The following SSC5D variants were observed in gnomAD, a reference collection of about 807,000 sequenced individuals.
SSC5D encodes scavenger receptor cysteine rich family member with 5 domains.
A neutral mutation model predicts 104.6 loss-of-function variants in SSC5D; 106 were observed. The observed-to-expected ratio is 1.01, with a 90% CI of 0.87 to 1.19. SSC5D has a LOEUF of 1.19. Ranked by LOEUF, SSC5D falls within the 50% of genes most tolerant of loss-of-function variation. The probability of loss-of-function intolerance (pLI) is 0.00; values close to 1 mark genes in which losing one functional copy is unlikely to be tolerated. For missense variants in SSC5D, 1,993 were observed against 2,153.8 expected, an observed-to-expected ratio of 0.93 and a Z score of 1.48; for synonymous variants, 860 against 883.5, an observed-to-expected ratio of 0.97 and a Z score of 0.47.
rs1476870283 is a variant in SSC5D, at chr19:55,500,482, C to G, written c.2303-8C>G. On this transcript the variant is annotated splice_polypyrimidine_tract_variant and splice_region_variant and intron_variant, in intron 10 of 13. Coordinates refer to ENST00000389623, the MANE Select transcript of SSC5D (RefSeq NM_001144950.2). The surrounding 1 kb of genome is among the most constrained non-coding windows in gnomAD (Gnocchi z 4.6). Reference sequence around the variant, plus strand: ...CCCTCCCTCCTGACCTAAGGGCCTTCCACGCAGGCCTGTTCCGGGTTCGTC... The same window carrying G: ...CCCTCCCTCCTGACCTAAGGGCCTTGCACGCAGGCCTGTTCCGGGTTCGTC... The G allele has an allele frequency of 6.4e-7, 1 of 1,550,584 alleles. No homozygotes were observed. The highest frequency in any genetic ancestry group is 8.7e-7 in the Non-Finnish European group (1 of 1,146,216).
rs1455566893 is a variant in SSC5D, at chr19:55,494,788, G to A, written c.1387+5G>A. On this transcript the variant is annotated splice_donor_5th_base_variant and intron_variant, in intron 8 of 13. Transcript: ENST00000389623. ...GGGAGCCTGGACCGGAAGCCGGTGA[G>A]TCCCTCCATGCTCCCCAAGAAAACA... 1 of 1,537,104 alleles carries A rather than the reference G, an allele frequency of 6.5e-7. No homozygotes were observed.
intron 6 of SSC5D, chr19:55,491,915 T>G (rs1987155219): frequency 6.6e-6 from 1 of 152,322 alleles, no homozygotes; most frequent in Non-Finnish European, 1.5e-5. Context: ...GGCACCCACC[T>G]GGCATTTCAT....
intron 13 of SSC5D, 103 bp from the exon 14 acceptor site, chr19:55,517,121 C>A (rs1468569826): frequency 8.2e-6 from 9 of 1,100,316 alleles, no homozygotes; most frequent in Non-Finnish European, 1.2e-5. Flanking sequence ...TCTCGAGGCT[C>A]TGTGCCTTTC....
intron 13 of SSC5D, among the ~76,000 whole-genome samples, chr19:55,515,429 T>C (rs1211586388): frequency 7.1e-6 from 1 of 139,908 alleles, no homozygotes; most frequent in Admixed American, 7.2e-5. Flanking sequence ...TTAAATGAAT[T>C]AACACTTTGA....
chr19:55,518,782 T>G lies in SSC5D; in HGVS notation c.4506T>G (p.Gly1502=), dbSNP rs1172875427. 1.9e-6 allele frequency: 3 copies of G among 1,550,562 alleles called. No homozygotes were observed. ...ELVAAVRDVG[G]QLQRLTQVVE... ...TGGCTGCTGTGAGGGATGTGGGTGG[T>G]CAGCTGCAGAGACTGACCCAGGTCG... The change falls in exon 14 of 14, where the codon GGT becomes GGG. Residue 1502 remains glycine, a synonymous_variant. Coordinates refer to ENST00000389623, the MANE Select transcript of SSC5D (RefSeq NM_001144950.2).
At chr19:55,489,057 T>TGTGGGGGGGGG in intron 2 of SSC5D, 25 bp downstream of exon 2, 1 of 1,247,976 alleles carries the variant, frequency 8.0e-7, no homozygotes, top group Non-Finnish European at 1.0e-6. Flanking sequence ...TCCTCCCATC[T>TGTGGGGGGGGG]GCCCGCCCCC....
At chr19:55,501,764 C>T (rs1987511287) in intron 12 of SSC5D, among the ~76,000 whole-genome samples, 1 of 152,212 alleles carries the variant, frequency 6.6e-6, no homozygotes, top group African/African-American at 2.4e-5. Flanking sequence ...GGACCACGCC[C>T]CGCTTTGGCC....
At chr19:55,514,998 C>T (rs1018980901) in intron 13 of SSC5D, among the ~76,000 whole-genome samples, 4 of 152,180 alleles carry the variant, frequency 2.6e-5, no homozygotes, top group African/African-American at 9.7e-5. Flanking sequence ...TTAACCGCTT[C>T]TCCAATCCTG....
At chr19:55,490,646 G>A (rs560793402) in intron 5 of SSC5D, 126 bp from the exon 6 acceptor site, 23 of 1,162,920 alleles carry the variant, frequency 2.0e-5, no homozygotes, top group South Asian at 1.3e-4. Flanking sequence ...ACCTCTTCAC[G>A]GGCTGCCGGC....
intron 12 of SSC5D, among the ~76,000 whole-genome samples, chr19:55,502,737 C>T (rs1274806429): frequency 6.6e-6 from 1 of 152,098 alleles, no homozygotes; most frequent in Non-Finnish European, 1.5e-5. Context: ...TTCACTGCAG[C>T]CTTGAACTCC....
chr19:55,514,457 T>TGCC (rs1555767534), intron 13 of SSC5D, among the ~76,000 whole-genome samples: 1 of 132,552 alleles, frequency 7.5e-6, no homozygotes, highest in Admixed American at 7.6e-5. Flanking sequence ...ATAATAATAA[T>TGCC]AGGTGTGGTG....
In SSC5D at chr19:55,489,870, C is replaced by T. The variant is rs1035675542; in HGVS notation, c.362-12C>T. 1 of 1,546,926 alleles carries T rather than the reference C, an allele frequency of 6.5e-7. No individual in the cohort carries two copies. The highest frequency in any genetic ancestry group is 8.7e-7 in the Non-Finnish European group (1 of 1,143,372). On this transcript the variant is annotated splice_polypyrimidine_tract_variant and intron_variant, in intron 3 of 13. Coordinates refer to ENST00000389623, the MANE Select transcript of SSC5D (RefSeq NM_001144950.2). ...TCTCCTCATAGCTTCTGTCCCTGCC[C>T]CCCCGCCGCAGGTCAGCGTGTGGCT...
chr19:55,504,996 G>T (rs1187365576), intron 12 of SSC5D, among the ~76,000 whole-genome samples: 1 of 148,286 alleles, frequency 6.7e-6, no homozygotes, highest in African/African-American at 2.6e-5. Context: ...CCTGTTTTAA[G>T]TGATTTCACA....
chr19:55,500,190 T>C lies in SSC5D; in HGVS notation c.2080T>C (p.Ser694Pro), dbSNP rs536432551. 104 of 1,549,932 alleles carry C rather than the reference T, an allele frequency of 6.7e-5. 1 individual carries two copies. In the African/African-American group the frequency reaches 1.1e-3, roughly 17 times the overall value. ...CACGGAGGCCCCCCAGAGATGGACC[T>C]CTCACACCACTGCCACGCTGACCCC... The part of the protein sequence containing the change: ...PTTEAPQRWT[S>P]HTTATLTPQA... The change falls in exon 10 of 14, where the codon TCT (serine) becomes CCT (proline). Residue 694 changes from serine (S) to proline (P), a missense_variant. Physicochemically the swap from Ser to Pro is moderately conservative, Grantham distance 74 (BLOSUM62 -1). Around this residue, in one of 6 missense-constraint regions of SSC5D, gnomAD observed 1,101 missense variants for 1,085.0 expected, o/e 1.01. Coordinates refer to ENST00000389623, the MANE Select transcript of SSC5D (RefSeq NM_001144950.2). This position sits in a 1 kb window ranked among gnomAD's most constrained non-coding sequence, Gnocchi z 4.6.
In SSC5D at chr19:55,503,025, G is replaced by A. The variant is rs1448733444; in HGVS notation, c.2785+1824G>A. On this transcript the variant is annotated intron_variant, in intron 12 of 13. Transcript: ENST00000389623. This position sits in a 1 kb window ranked among gnomAD's most constrained non-coding sequence, Gnocchi z 4.0. ...GAGACGGGTTTCACCATGTTGGCCAGGCTGGTCTCAAATTCCTGACCTCGT... is the reference window on the plus strand; with the variant it reads ...GAGACGGGTTTCACCATGTTGGCCAAGCTGGTCTCAAATTCCTGACCTCGT... 6.6e-6 allele frequency among the ~76,000 whole-genome samples: 1 copy of A among 152,136 alleles called. No homozygotes were observed. Among genetic ancestry groups the A allele is most frequent in the Admixed American group, 6.6e-5 (1 of 15,266 alleles).
At position 55,518,541 on chromosome 19, in the gene SSC5D, C is replaced by G; in HGVS notation, c.4265C>G (p.Pro1422Arg). Residue 1422 changes from proline (P) to arginine (R), a missense_variant, in exon 14 of 14, where the codon CCT (proline) becomes CGT (arginine). By Grantham distance (103) the Pro-to-Arg change is moderately radical. Transcript: ENST00000389623. ...PPRSQSPNLT[P>R]PPTHTPHSAS... ...AGAAGCCAGAGCCCCAACCTAACCCCTCCACCCACCCATACCCCACACTCA... is the reference window on the plus strand; with the variant it reads ...AGAAGCCAGAGCCCCAACCTAACCCGTCCACCCACCCATACCCCACACTCA... 2 of 1,549,522 alleles carry G rather than the reference C, an allele frequency of 1.3e-6. No individual in the cohort carries two copies. Among genetic ancestry groups the G allele is most frequent in the Non-Finnish European group, 1.7e-6 (2 of 1,146,420 alleles).
chr19:55,489,788 C>G (rs972939654), intron 3 of SSC5D, 94 bp from the exon 4 acceptor site: 1 of 1,480,034 alleles, frequency 6.8e-7, no homozygotes, highest in Non-Finnish European at 9.2e-7. Context: ...CCATCCCCTC[C>G]AAAGCCAGGT....
At position 55,518,098 on chromosome 19, in the gene SSC5D, GCCTCATCCCACCACGACCC is replaced by G. The variant is rs1987922773; in HGVS notation, c.3824_3842del (p.Pro1275LeufsTer23). 7.0e-7 allele frequency: 1 copy of G among 1,435,350 alleles called. No homozygotes were observed. Among genetic ancestry groups the G allele is most frequent in the East Asian group, 2.8e-5 (1 of 35,616 alleles). 88.9% of individuals were successfully genotyped at this position (1,435,350 alleles called of 1,614,324 possible). ...TCACCACCATGCAGCCCACCACGAT[GCCTCATCCCACCACGACCC>G]CTCACCCCACCACGACTCCTCACCC... On this transcript the variant is annotated frameshift_variant, in exon 14 of 14. Transcript: ENST00000389623. LOFTEE classifies it low-confidence loss of function (END_TRUNC).
At chr19:55,504,124 G>A in intron 12 of SSC5D, 1 of 1,535,358 alleles carries the variant, frequency 6.5e-7, no homozygotes, top group Non-Finnish European at 8.7e-7. Flanking sequence ...AGAGCCGGAA[G>A]CGGGAGCTCC....
Sources: gnomAD v4.1 joint callset for allele counts (sites outside exome capture counted in the v4.1 genomes callset) on GRCh38, gnomAD v4.1.1 for gene constraint, gnomAD v4.1.1 regional missense constraint, Gnocchi (gnomAD v3.1) non-coding constraint, MANE v1.5 for transcripts, NCBI Gene and HGNC (gene_info 2026-07-23, HGNC 2026-07-21) for gene names.